Variants in LRRC9 observed in about 807,000 individuals in gnomAD.
LRRC9 encodes leucine rich repeat containing 9.
LRRC9 carries 122 observed loss-of-function variants against 63.2 expected under a neutral mutation model. The observed-to-expected ratio is 1.93, with a 90% CI of 1.67 to 2.24. The LOEUF (loss-of-function observed/expected upper bound fraction) is 2.24. Ranked by LOEUF, LRRC9 falls within the 30% of genes most tolerant of loss-of-function variation. The probability of loss-of-function intolerance (pLI) is 0.00; values close to 1 mark genes in which losing one functional copy is unlikely to be tolerated. For missense variants in LRRC9, 1,071 were observed against 627.7 expected (o/e 1.71, Z -7.55); for synonymous variants, 366 against 213.1 (o/e 1.72, Z -6.25).
intron 20 of LRRC9, among the ~76,000 whole-genome samples, chr14:60,002,982 G>T (rs543967207): frequency 6.6e-6 from 1 of 152,298 alleles, no homozygotes; most frequent in African/African-American, 2.4e-5. Context: ...AAAGGTTATA[G>T]AACACTTGCA....
At chr14:60,057,163 C>T (rs572546089) in intron 30 of LRRC9, among the ~76,000 whole-genome samples, 1 of 152,220 alleles carries the variant, frequency 6.6e-6, no homozygotes, top group South Asian at 2.1e-4. Flanking sequence ...TAAGCTGAAT[C>T]ATATGTTCAG....
chr14:60,046,224 C>T (rs1893413914), intron 29 of LRRC9, among the ~76,000 whole-genome samples: 1 of 152,160 alleles, frequency 6.6e-6, no homozygotes, highest in African/African-American at 2.4e-5. Context: ...TGTAGGTTGC[C>T]TGTGCACTCT....
intron 29 of LRRC9, among the ~76,000 whole-genome samples, chr14:60,043,602 C>A (rs1893139671): frequency 6.6e-6 from 1 of 152,038 alleles, no homozygotes; most frequent in Admixed American, 6.6e-5. Flanking sequence ...TATTGATCTG[C>A]ATATGTTGAG....
intron 1 of LRRC9, among the ~76,000 whole-genome samples, chr14:59,924,175 G>A (rs1311256494): frequency 6.6e-6 from 1 of 152,216 alleles, no homozygotes; most frequent in East Asian, 1.9e-4. Flanking sequence ...TTTGTCCTTT[G>A]TGTGGTGGTG....
chr14:59,978,914 A>G (rs143865498), intron 15 of LRRC9, among the ~76,000 whole-genome samples: 1 of 152,162 alleles, frequency 6.6e-6, no homozygotes. Context: ...TGCATGTCTC[A>G]TTACATTTGC....
At chr14:59,941,450 C>T (rs1357150509) in intron 7 of LRRC9, among the ~76,000 whole-genome samples, 3 of 150,396 alleles carry the variant, frequency 2.0e-5, no homozygotes, top group East Asian at 3.9e-4. Flanking sequence ...TTTTAGATAA[C>T]CTATTAATAG....
intron 10 of LRRC9, among the ~76,000 whole-genome samples, chr14:59,961,890 T>G (rs1397636131): frequency 2.0e-5 from 3 of 152,186 alleles, no homozygotes; most frequent in African/African-American, 4.8e-5. Context: ...CAATAGGAAC[T>G]GGGTACATGG....
At chr14:59,973,950 T>C (rs183263510) in intron 12 of LRRC9, among the ~76,000 whole-genome samples, 9 of 152,256 alleles carry the variant, frequency 5.9e-5, no homozygotes, top group African/African-American at 1.7e-4. Context: ...CAATTACTAG[T>C]TCTGTCCTTG....
At position 60,053,158 on chromosome 14, in the gene LRRC9, G is replaced by A. The variant is rs1210532863; in HGVS notation, c.4084G>A (p.Ala1362Thr). 2.9e-6 allele frequency: 2 copies of A among 700,906 alleles called. No homozygotes were observed. The highest frequency in any genetic ancestry group is 5.2e-6 in the Non-Finnish European group (2 of 383,900). 43.4% of individuals were successfully genotyped at this position (700,906 alleles called of 1,614,324 possible). A position where few individuals can be genotyped will look rare whatever the true frequency, so the allele number is the denominator to read the frequency against. ...AAGTCCTGTGAATTCAGATGATAGGGCAAAAGCTGAATTTCACCTCGCTGA... is the reference window on the plus strand; with the variant it reads ...AAGTCCTGTGAATTCAGATGATAGGACAAAAGCTGAATTTCACCTCGCTGA... The change falls in exon 30 of 32, where the codon GCA becomes ACA. Residue 1362 changes from alanine to threonine, a missense_variant. Physicochemically the swap from Ala to Thr is moderately conservative, Grantham distance 58. Coordinates refer to ENST00000445360, the Ensembl canonical transcript of LRRC9. This position sits in a 1 kb window ranked among gnomAD's most constrained non-coding sequence, Gnocchi z 4.8.
intron 10 of LRRC9, among the ~76,000 whole-genome samples, chr14:59,965,997 T>A (rs1566823410): frequency 7.0e-6 from 1 of 142,366 alleles, no homozygotes; most frequent in Non-Finnish European, 1.5e-5. Context: ...TGGTGCCATA[T>A]ACTGAGATGG....
rs931985685 is a variant in LRRC9 at position 59,964,837 on chromosome 14, C to T, written c.1212-1752C>T. ...TCTGTCTCCTCTACCAGACTGCGAG[C>T]TCCTCTGGGATTAGTTTGGTTTAGG... On this transcript the variant is annotated intron_variant, in intron 10 of 31. Coordinates refer to ENST00000445360, the Ensembl canonical transcript of LRRC9. The surrounding 1 kb of genome is among the most constrained non-coding windows in gnomAD (Gnocchi z 4.4). Among the ~76,000 whole-genome samples the T allele has an allele frequency of 6.7e-6, 1 of 148,566 alleles. No individual in the cohort carries two copies. Among genetic ancestry groups the T allele is most frequent in the African/African-American group, 2.5e-5 (1 of 40,786 alleles).
At chr14:59,995,735 TGTTA>T in intron 17 of LRRC9, among the ~76,000 whole-genome samples, 1 of 150,932 alleles carries the variant, frequency 6.6e-6, no homozygotes, top group East Asian at 1.9e-4. Flanking sequence ...GTTTTTTTTT[TGTTA>T]TATTTTATTT....
At position 59,930,543 on chromosome 14, in the gene LRRC9, A is replaced by T. The variant is rs1009750377; in HGVS notation, c.268-375A>T. 6.6e-6 allele frequency among the ~76,000 whole-genome samples: 1 copy of T among 151,848 alleles called. No individual in the cohort carries two copies. The highest frequency in any genetic ancestry group is 2.4e-5 in the African/African-American group (1 of 41,388). Reference sequence around the variant, plus strand: ...GTCTTAATTTAAAGAGTCCCACAAAATTGTGTGTGCATTAGGATTATAAAG... The same window carrying T: ...GTCTTAATTTAAAGAGTCCCACAAATTTGTGTGTGCATTAGGATTATAAAG... On this transcript the variant is annotated intron_variant, in intron 3 of 31. Transcript: ENST00000445360. This position sits in a 1 kb window ranked among gnomAD's most constrained non-coding sequence, Gnocchi z 4.9.
intron 8 of LRRC9, among the ~76,000 whole-genome samples, chr14:59,951,641 G>T (rs890750816): frequency 6.8e-6 from 1 of 146,482 alleles, no homozygotes; most frequent in African/African-American, 2.6e-5. Flanking sequence ...ATCTACTTTT[G>T]GTCTTTGATG....
rs912925904 is a variant in LRRC9 at position 59,961,676 on chromosome 14, G to A, written c.1211+631G>A. Among the ~76,000 whole-genome samples, 3 of 152,090 alleles carry A rather than the reference G, an allele frequency of 2.0e-5. No individual in the cohort carries two copies. The East Asian group carries it at 5.8e-4, about 29-fold the overall frequency. Reference sequence around the variant, plus strand: ...GAGAGACACCAGAATCAAGCAGAAAGCAGACAGCCAGGCTTTAGAACCAAG... The same window carrying A: ...GAGAGACACCAGAATCAAGCAGAAAACAGACAGCCAGGCTTTAGAACCAAG... On this transcript the variant is annotated intron_variant, in intron 10 of 31. Transcript: ENST00000445360.
chr14:59,954,147 C>A (rs1485925755), intron 8 of LRRC9, among the ~76,000 whole-genome samples: 1 of 152,074 alleles, frequency 6.6e-6, no homozygotes, highest in Non-Finnish European at 1.5e-5. Context: ...TATACAGGCT[C>A]CTTTTTGGTT....
Position 59,975,725 on chromosome 14 carries a change from G to A in LRRC9, c.1639+1017G>A, listed in dbSNP as rs73304095. Among the ~76,000 whole-genome samples, 460 of 152,270 alleles carry A rather than the reference G, an allele frequency of 3.0e-3. 3 individuals carry two copies. The highest frequency in any genetic ancestry group is 0.011 in the African/African-American group (438 of 41,542). ...AATATAAAATCATAGTTATCATATA[G>A]GAGCTATAAACATGAAGTATTAATG... On this transcript the variant is annotated intron_variant, in intron 13 of 31. Transcript: ENST00000445360.
chr14:60,065,647 C>CAA (rs60064309), downstream of LRRC9, among the ~76,000 whole-genome samples: 1 of 25,968 alleles, frequency 3.9e-5, no homozygotes, highest in Non-Finnish European at 1.2e-4. Flanking sequence ...GACTCCCTCT[C>CAA]AAAAAAAAAA....
chr14:60,002,298 T>G (rs1039240929), intron 20 of LRRC9, among the ~76,000 whole-genome samples, 198 bp downstream of exon 20: 24 of 152,194 alleles, frequency 1.6e-4, no homozygotes, highest in African/African-American at 5.8e-4. Flanking sequence ...ATCGTTAACT[T>G]TAGTCATTAA....
Sources: allele counts gnomAD v4.1 joint callset (sites outside exome capture counted in the v4.1 genomes callset), GRCh38; gene constraint gnomAD v4.1.1; non-coding constraint Gnocchi (gnomAD v3.1); transcripts MANE v1.5; gene names NCBI Gene and HGNC (gene_info 2026-07-23, HGNC 2026-07-21).